SDHA: variants seen among roughly 807,000 people sequenced by gnomAD.
SDHA encodes succinate dehydrogenase [ubiquinone] flavoprotein subunit, mitochondrial.
A neutral mutation model predicts 78.4 loss-of-function variants in SDHA; 48 were observed. The ratio of observed to expected loss-of-function variants is 0.61; its 90% CI spans 0.49 to 0.78. The LOEUF is 0.78. Among genes scored for constraint, SDHA ranks in the 30% least tolerant of loss-of-function variants. SDHA has a pLI of 0.00. For synonymous variants in SDHA, 326 were observed against 353.9 expected, an observed-to-expected ratio of 0.92 and a Z score of 0.88; for missense variants, 680 against 892.7, an observed-to-expected ratio of 0.76 and a Z score of 3.04.
intron 1 of SDHA, among the ~76,000 whole-genome samples, chr5:221,934 A>G (rs1734738213): frequency 6.6e-6 from 1 of 152,168 alleles, no homozygotes; most frequent in African/African-American, 2.4e-5. Context: ...CCACATCAAC[A>G]TCCTAGAAAG....
At chr5:266,768 T>TGC in the SDHA span, among the ~76,000 whole-genome samples, 1 of 152,230 alleles carries the variant, frequency 6.6e-6, no homozygotes, top group African/African-American at 2.4e-5. Flanking sequence ...CCGTGGCCGC[T>TGC]GTGTCTGAGA....
chr5:219,966 A>G (rs909413277), intron 1 of SDHA, among the ~76,000 whole-genome samples: 1 of 152,254 alleles, frequency 6.6e-6, no homozygotes, highest in African/African-American at 2.4e-5. Flanking sequence ...ATTTATCGGC[A>G]TTTCAGATAG....
the SDHA span, among the ~76,000 whole-genome samples, chr5:267,227 G>C: frequency 6.6e-6 from 1 of 152,230 alleles, no homozygotes; most frequent in Non-Finnish European, 1.5e-5. Context: ...GAAGGAAGAT[G>C]GGAGTCACGG....
At chr5:233,394 C>T (rs918868488) in intron 7 of SDHA, 83 bp from the exon 8 acceptor site, 1 of 1,480,238 alleles carries the variant, frequency 6.8e-7, no homozygotes, top group African/African-American at 1.4e-5. Flanking sequence ...CTCTTTCCCC[C>T]AAAAAATGTC....
chr5:220,315 T>C (rs1433821599), intron 1 of SDHA: 3 of 438,974 alleles, frequency 6.8e-6, no homozygotes, highest in Admixed American at 4.8e-5. Context: ...CTTCAATAGT[T>C]ACTGGTTAAC....
intron 1 of SDHA, chr5:220,114 CAG>C (rs201995405): frequency 0.012 from 2,460 of 201,080 alleles, 60 homozygotes; most frequent in African/African-American, 0.053. Flanking sequence ...CAGTAAAGTC[CAG>C]AGAGAATTTT....
intron 8 of SDHA, chr5:234,006 G>A (rs1735594623): frequency 3.2e-6 from 1 of 315,770 alleles, no homozygotes; most frequent in African/African-American, 2.1e-5. Context: ...TGGGTTATTT[G>A]GCTTTCAGTA....
the SDHA span, among the ~76,000 whole-genome samples, chr5:265,483 T>C: frequency 6.6e-6 from 1 of 151,974 alleles, no homozygotes; most frequent in Non-Finnish European, 1.5e-5. Context: ...ACACTGGGAG[T>C]GGACACTTGA....
At chr5:234,286 G>C (rs1312173067) in intron 8 of SDHA, 1 of 156,854 alleles carries the variant, frequency 6.4e-6, no homozygotes, top group Non-Finnish European at 1.4e-5. Context: ...GGGCGTGATG[G>C]CAGGTGCCTG....
the SDHA span, among the ~76,000 whole-genome samples, chr5:263,208 G>A: frequency 9.9e-4 from 150 of 152,130 alleles, no homozygotes; most frequent in African/African-American, 2.0e-3. Context: ...CCAGAGTATT[G>A]GGATTATAGG....
chr5:240,391 G>C lies in SDHA; in HGVS notation c.1466G>C (p.Gly489Ala), dbSNP rs1430552498. ...DKVPPIKPNA[G>A]EESVMNLDKL... ...GTCCCTCCAATTAAACCAAACGCTG[G>C]GGAAGAATCTGTCATGAATCTTGAC... The change falls in exon 11 of 15, where the codon GGG becomes GCG. Residue 489 changes from glycine (G) to alanine (A), a missense_variant. Coordinates refer to ENST00000264932, the MANE Select transcript of SDHA (RefSeq NM_004168.4). 1.9e-6 allele frequency: 3 copies of C among 1,609,802 alleles called. No individual in the cohort carries two copies. In the South Asian group the frequency reaches 3.3e-5, roughly 18 times the overall value.
In SDHA at chr5:231,061, T is replaced by G. The variant is rs1322406611; in HGVS notation, c.895+61T>G. The G allele has an allele frequency of 1.9e-6, 3 of 1,579,010 alleles. No individual in the cohort carries two copies. The Admixed American group carries it at 5.0e-5, about 26-fold the overall frequency. ...TTGTGTGTGTCTTGTAAGCATGTGA[T>G]GCCTACTCATTGCTCTTCCATAGTT... On this transcript the variant is annotated intron_variant, in intron 7 of 14. Coordinates refer to ENST00000264932, the MANE Select transcript of SDHA (RefSeq NM_004168.4).
At chr5:238,551 G>A (rs1249019871) in intron 10 of SDHA, among the ~76,000 whole-genome samples, 2 of 151,680 alleles carry the variant, frequency 1.3e-5, no homozygotes, top group African/African-American at 2.4e-5. Flanking sequence ...AAAATGTTTT[G>A]TAGGGACAGG....
In SDHA at chr5:235,460, A is replaced by G. The variant is rs1278241762; in HGVS notation, c.1260+121A>G. 1.4e-5 allele frequency: 14 copies of G among 994,444 alleles called. No homozygotes were observed. The East Asian group carries it at 3.6e-4, about 25-fold the overall frequency. The allele number at this position is 994,444 out of a possible 1,614,324, so 61.6% of individuals were successfully genotyped here. ...GATGTTTCCTTCAAGAAAGTACTGT[A>G]TTGTTTTCTAGATTGCACTTTAAAT... On this transcript the variant is annotated intron_variant, in intron 9 of 14. Coordinates refer to ENST00000264932, the MANE Select transcript of SDHA (RefSeq NM_004168.4).
chr5:233,765 C>G lies in SDHA; in HGVS notation c.1064+120C>G. On this transcript the variant is annotated intron_variant, in intron 8 of 14. Coordinates refer to ENST00000264932, the MANE Select transcript of SDHA (RefSeq NM_004168.4). ...CAGGCGCATGTGCACAGCCACCTCT[C>G]TTAGCTGCTGGCAGGCGTCTGTTAG... is the stretch of plus-strand genomic sequence containing the variant. 6 of 995,600 alleles carry G rather than the reference C, an allele frequency of 6.0e-6. No homozygotes were observed. The South Asian group carries it at 7.7e-5, about 13-fold the overall frequency. The allele number at this position is 995,600 out of a possible 1,614,324, so 61.7% of individuals were successfully genotyped here.
chr5:231,058 T>C, intron 7 of SDHA, 58 bp downstream of exon 7: 3 of 1,579,252 alleles, frequency 1.9e-6, no homozygotes, highest in Non-Finnish European at 2.6e-6. Context: ...TGTAAGCATG[T>C]GATGCCTACT....
intron 1 of SDHA, among the ~76,000 whole-genome samples, chr5:220,786 C>T (rs1029560416): frequency 2.0e-5 from 3 of 151,486 alleles, no homozygotes; most frequent in Non-Finnish European, 2.9e-5. Context: ...GGGCTCACAG[C>T]CTATGCACAG....
intron 10 of SDHA, among the ~76,000 whole-genome samples, chr5:237,945 C>T (rs1367149089): frequency 1.5e-5 from 2 of 136,230 alleles, no homozygotes; most frequent in Non-Finnish European, 3.0e-5. Context: ...CCTGACGCCG[C>T]AGGTAGTGCT....
At chr5:234,007 G>T in intron 8 of SDHA, 1 of 313,928 alleles carries the variant, frequency 3.2e-6, no homozygotes. Flanking sequence ...GGGTTATTTG[G>T]CTTTCAGTAA....
Sources: gnomAD v4.1 joint callset for allele counts (sites outside exome capture counted in the v4.1 genomes callset) on GRCh38, gnomAD v4.1.1 for gene constraint, MANE v1.5 for transcripts, NCBI Gene and HGNC (gene_info 2026-07-23, HGNC 2026-07-21) for gene names.